The following DENND2A variants were observed in gnomAD, a reference collection of about 807,000 sequenced individuals.
The protein encoded by DENND2A is DENN domain-containing protein 2A.
A neutral mutation model predicts 105.3 loss-of-function variants in DENND2A; 53 were observed. The observed-to-expected ratio is 0.50, with a 90% CI of 0.40 to 0.63. DENND2A has a LOEUF of 0.63. Ranked by LOEUF, DENND2A falls within the 30% of genes least tolerant of loss-of-function variation. The probability of loss-of-function intolerance (pLI) is 0.00; values close to 1 mark genes in which losing one functional copy is unlikely to be tolerated. For missense variants in DENND2A, 1,138 were observed against 1,279.6 expected, an observed-to-expected ratio of 0.89 and a Z score of 1.69; for synonymous variants, 522 against 508.4, an observed-to-expected ratio of 1.03 and a Z score of -0.36.
chr7:140,583,886 A>T (rs1048850712), intron 5 of DENND2A, among the ~76,000 whole-genome samples: 5 of 145,302 alleles, frequency 3.4e-5, no homozygotes, highest in Admixed American at 6.9e-5. Flanking sequence ...AGATCGTGCC[A>T]CTGCACTCCA....
chr7:140,585,103 TG>T (rs1263773370), intron 5 of DENND2A, among the ~76,000 whole-genome samples: 10 of 152,060 alleles, frequency 6.6e-5, no homozygotes, highest in Non-Finnish European at 1.0e-4. Context: ...AAGGCTGAGG[TG>T]GGAGGATTGA....
chr7:140,547,010 A>G (rs1442762253), intron 12 of DENND2A, 71 bp from the exon 13 acceptor site: 4 of 1,547,172 alleles, frequency 2.6e-6, no homozygotes, highest in Middle Eastern at 1.7e-4. Flanking sequence ...GTTCTAGGTG[A>G]AGTGGGCCTG....
In DENND2A at chr7:140,602,165, G is replaced by C; in HGVS notation, c.233C>G (p.Ser78Cys). The change falls in exon 3 of 20, where the codon TCT becomes TGT. Residue 78 changes from serine (S) to cysteine (C), a missense_variant. Transcript: ENST00000496613. Reference sequence around the variant, plus strand: ...ATCACTACTCCTCCTCTCCACCGTAGAGGACGGCAGATAATCCTCCTGTCC... The same window carrying C: ...ATCACTACTCCTCCTCTCCACCGTACAGGACGGCAGATAATCCTCCTGTCC... ...ADGQEDYLPS[S>C]TVERRSSDGV... 1 of 1,614,136 alleles carries C rather than the reference G, an allele frequency of 6.2e-7. No individual in the cohort carries two copies. Among genetic ancestry groups the C allele is most frequent in the Non-Finnish European group, 8.5e-7 (1 of 1,180,034 alleles).
intron 12 of DENND2A, among the ~76,000 whole-genome samples, chr7:140,551,599 G>A (rs1458626172): frequency 6.6e-6 from 1 of 152,130 alleles, no homozygotes; most frequent in Non-Finnish European, 1.5e-5. Flanking sequence ...CACAATACTT[G>A]CCAAGCCCAA....
intron 5 of DENND2A, among the ~76,000 whole-genome samples, chr7:140,583,731 C>T (rs1375180200): frequency 6.8e-6 from 1 of 147,332 alleles, no homozygotes; most frequent in Non-Finnish European, 1.5e-5. Flanking sequence ...AGATCGAGAC[C>T]ATCCTGTGAA....
intron 5 of DENND2A, among the ~76,000 whole-genome samples, chr7:140,576,175 T>C (rs895533367): frequency 6.6e-6 from 1 of 152,102 alleles, no homozygotes; most frequent in East Asian, 1.9e-4. Context: ...GAGCTCTACA[T>C]AGAACAGATA....
intron 15 of DENND2A, among the ~76,000 whole-genome samples, chr7:140,526,010 C>T (rs1459388023): frequency 2.6e-5 from 4 of 152,158 alleles, no homozygotes; most frequent in East Asian, 1.9e-4. Context: ...ACACCGACAC[C>T]GCAGGCTGGG....
chr7:140,573,011 A>G (rs749060509), intron 6 of DENND2A, among the ~76,000 whole-genome samples: 11 of 152,140 alleles, frequency 7.2e-5, no homozygotes, highest in Non-Finnish European at 1.2e-4. Flanking sequence ...AATCTAATCA[A>G]ACAAACCTTG....
chr7:140,555,728 A>G lies in DENND2A; in HGVS notation c.1960-15T>C, dbSNP rs1037932527. On this transcript the variant is annotated splice_polypyrimidine_tract_variant and intron_variant, in intron 11 of 19. Transcript: ENST00000496613. ...TTGCCTCCAGGCTTTTCGGAGAGAA[A>G]CACAAGGGAATTATGAGTGTTGACA... is the stretch of plus-strand genomic sequence containing the variant. The G allele has an allele frequency of 1.3e-6, 2 of 1,589,732 alleles. No individual in the cohort carries two copies. Among genetic ancestry groups the G allele is most frequent in the Admixed American group, 1.9e-5 (1 of 51,678 alleles).
At chr7:140,571,487 A>G (rs1563149976) in intron 6 of DENND2A, among the ~76,000 whole-genome samples, 2 of 152,104 alleles carry the variant, frequency 1.3e-5, no homozygotes, top group Non-Finnish European at 2.9e-5. Context: ...TATTTTCAAT[A>G]TTTAAACATT....
In DENND2A at chr7:140,569,729, G is replaced by A. The variant is rs1272960449; in HGVS notation, c.1456C>T (p.Arg486Ter). The A allele has an allele frequency of 2.5e-6, 4 of 1,610,656 alleles. No homozygotes were observed. Among genetic ancestry groups the A allele is most frequent in the Non-Finnish European group, 1.7e-6 (2 of 1,177,146 alleles). ...CGGACCTCATAAATGGCGTTGATTC[G>A]CAACACCAGCTGCCAGACACCAGGA... ...KKRKIPKLVL[R>*]INAIYEVRRG... Residue 486 changes from arginine (R) to a stop codon, truncating the protein, a stop_gained, in exon 7 of 20, where the codon CGA (arginine) becomes TGA (stop). Transcript: ENST00000496613. LOFTEE classifies it high-confidence loss of function.
intron 12 of DENND2A, among the ~76,000 whole-genome samples, chr7:140,548,446 C>T (rs1359067984): frequency 6.6e-6 from 1 of 151,672 alleles, no homozygotes; most frequent in Non-Finnish European, 1.5e-5. Flanking sequence ...TGCTTGAGCC[C>T]AGGAATTTGA....
chr7:140,518,700 C>G lies in DENND2A; in HGVS notation c.*7G>C, dbSNP rs1351579701. The G allele has an allele frequency of 6.2e-6, 10 of 1,613,336 alleles. No homozygotes were observed. Among genetic ancestry groups the G allele is most frequent in the Non-Finnish European group, 7.6e-6 (9 of 1,179,420 alleles). On this transcript the variant is annotated 3_prime_UTR_variant, in exon 20 of 20. Coordinates refer to ENST00000496613, the MANE Select transcript of DENND2A (RefSeq NM_015689.5). The stretch of plus-strand genomic sequence containing the variant: ...ACTAGGAGGAAGTTTTCCCTTGAGG[C>G]TGAGAGTTATTTCTTGTGGAGAAAT...
intron 1 of DENND2A, chr7:140,609,738 GTTC>G (rs1020343299): frequency 1.3e-5 from 2 of 152,154 alleles, no homozygotes; most frequent in African/African-American, 2.4e-5. Context: ...TAACCCTGTT[GTTC>G]TTCTTGCTGA....
intron 15 of DENND2A, 81 bp from the exon 16 acceptor site, chr7:140,525,873 G>T: frequency 8.1e-7 from 1 of 1,241,338 alleles, no homozygotes; most frequent in South Asian, 1.7e-5. Context: ...CTTCCTTCTT[G>T]GCATGCAGAG....
chr7:140,593,693 C>G (rs1287281357), intron 3 of DENND2A, among the ~76,000 whole-genome samples: 1 of 152,190 alleles, frequency 6.6e-6, no homozygotes, highest in Non-Finnish European at 1.5e-5. Context: ...CTCCCTCCCA[C>G]TTACTGCCTA....
At chr7:140,525,448 C>A (rs1246105207) in intron 16 of DENND2A, among the ~76,000 whole-genome samples, 1 of 152,124 alleles carries the variant, frequency 6.6e-6, no homozygotes, top group Non-Finnish European at 1.5e-5. Context: ...AGCCACTGCA[C>A]CCAGCTATTT....
intron 12 of DENND2A, among the ~76,000 whole-genome samples, chr7:140,547,145 C>A (rs117297669): frequency 7.0e-4 from 107 of 152,318 alleles, no homozygotes; most frequent in Non-Finnish European, 1.4e-3. Context: ...CTTTGCCATG[C>A]AATGTTGCAG....
Position 140,601,644 on chromosome 7 carries a change from T to C in DENND2A, c.754A>G (p.Arg252Gly). The change falls in exon 3 of 20, where the codon AGG (arginine) becomes GGG (glycine). Residue 252 changes from arginine (R) to glycine (G), a missense_variant. Arg to Gly is a moderately radical substitution (Grantham distance 125). Coordinates refer to ENST00000496613, the MANE Select transcript of DENND2A (RefSeq NM_015689.5). Reference sequence around the variant, plus strand: ...TTTGTGGGGGAACCCTCCGAGCCCCTATACACGTTCTCAAGGCTCCGGTCC... The same window carrying C: ...TTTGTGGGGGAACCCTCCGAGCCCCCATACACGTTCTCAAGGCTCCGGTCC... ...PWDRSLENVY[R>G]GSEGSPTKPF... 6.2e-7 allele frequency: 1 copy of C among 1,613,198 alleles called. No individual in the cohort carries two copies. Among genetic ancestry groups the C allele is most frequent in the Non-Finnish European group, 8.5e-7 (1 of 1,179,370 alleles).
Sources: allele counts gnomAD v4.1 joint callset (sites outside exome capture counted in the v4.1 genomes callset), GRCh38; gene constraint gnomAD v4.1.1; transcripts MANE v1.5; gene names NCBI Gene and HGNC (gene_info 2026-07-23, HGNC 2026-07-21).